MTOR: variants seen among roughly 807,000 people sequenced by gnomAD.
The protein encoded by MTOR is serine/threonine-protein kinase mTOR.
MTOR carries 70 observed loss-of-function variants against 319.8 expected under a neutral mutation model. That is an observed-to-expected ratio of 0.22 (90% CI 0.18 to 0.27). The LOEUF (loss-of-function observed/expected upper bound fraction) is 0.27. MTOR is among the 10% of genes least tolerant of loss of function. The pLI is 1.00. For missense variants in MTOR, 1,890 were observed against 3,274.4 expected (o/e 0.58, Z 10.32); for synonymous variants, 1,183 against 1,211.4 (o/e 0.98, Z 0.49).
At chr1:11,227,657 A>G (rs1646889297) in intron 19 of MTOR, among the ~76,000 whole-genome samples, 1 of 152,198 alleles carries the variant, frequency 6.6e-6, no homozygotes, top group Non-Finnish European at 1.5e-5. Context: ...AAGACACAAG[A>G]AACAGCAAGA....
rs1479868115 is a variant in MTOR at position 11,157,044 on chromosome 1, T to A, written c.4469+108A>T. On this transcript the variant is annotated intron_variant, in intron 30 of 57. Coordinates refer to ENST00000361445, the MANE Select transcript of MTOR (RefSeq NM_004958.4). ...CTGAGAAGTATCAAGTGGAACAAAA[T>A]GAGTCTGAAGTGAGAACTCCGTGTG... 14 of 1,365,622 alleles carry A rather than the reference T, an allele frequency of 1.0e-5. No homozygotes were observed. In the East Asian group the frequency reaches 3.1e-4, roughly 31 times the overall value. The allele number at this position is 1,365,622 out of a possible 1,614,324, so 84.6% of individuals were successfully genotyped here.
At chr1:11,203,745 T>G (rs558586545) in intron 26 of MTOR, among the ~76,000 whole-genome samples, 10 of 152,248 alleles carry the variant, frequency 6.6e-5, no homozygotes, top group Non-Finnish European at 1.3e-4. Flanking sequence ...CCATATAGTC[T>G]GTTAGAATAT....
rs773018103 is a variant in MTOR, at chr1:11,258,497, T to C, written c.259A>G (p.Ile87Val). 5.6e-6 allele frequency: 9 copies of C among 1,613,528 alleles called. No homozygotes were observed. The South Asian group carries it at 8.8e-5, about 16-fold the overall frequency. Residue 87 changes from isoleucine (I) to valine (V), a missense_variant, in exon 3 of 58, where the codon ATC (isoleucine) becomes GTC (valine). Physicochemically the swap from Ile to Val is conservative, Grantham distance 29. This residue lies in a region of MTOR where 81 missense variants were observed against 203.6 expected (regional missense o/e 0.40). Coordinates refer to ENST00000361445, the MANE Select transcript of MTOR (RefSeq NM_004958.4). ...ACTCTGTCCTTACCTATGGCCAAGA[T>C]GCCACCTTTCCTCTCATTGGCATCT... ...SSDANERKGG[I>V]LAIASLIGVE...
intron 54 of MTOR, among the ~76,000 whole-genome samples, chr1:11,110,154 G>A (rs973295671): frequency 1.8e-4 from 28 of 152,276 alleles, no homozygotes; most frequent in Admixed American, 4.6e-4. Flanking sequence ...CAAAAGCCTC[G>A]TGACAAAATG....
chr1:11,175,779 C>CAG (rs543626584), intron 28 of MTOR, among the ~76,000 whole-genome samples: 153 of 147,022 alleles, frequency 1.0e-3, no homozygotes, highest in African/African-American at 3.8e-3. Flanking sequence ...GGGTCTCACT[C>CAG]TGTCACCCAG....
At chr1:11,232,401 T>A (rs545577674) in intron 16 of MTOR, 35 bp downstream of exon 16, 2 of 1,526,804 alleles carry the variant, frequency 1.3e-6, no homozygotes, top group Non-Finnish European at 9.1e-7. Context: ...ACTCATGGGG[T>A]CTGTCTTGCT....
chr1:11,216,045 G>A lies in MTOR; in HGVS notation c.3117+103C>T. On this transcript the variant is annotated intron_variant, in intron 20 of 57. Transcript: ENST00000361445. ...CACTTCCTGTACTAAGACTGTAACA[G>A]CTCTACAAAGATCCGTGAAAAAAAG... The A allele has an allele frequency of 1.6e-5, 12 of 761,940 alleles. No homozygotes were observed. The South Asian group carries it at 2.1e-4, about 14-fold the overall frequency. 47.2% of individuals were successfully genotyped at this position (761,940 alleles called of 1,614,324 possible).
At chr1:11,137,353 A>G (rs1296578404) in intron 36 of MTOR, among the ~76,000 whole-genome samples, 1 of 152,068 alleles carries the variant, frequency 6.6e-6, no homozygotes, top group East Asian at 1.9e-4. Flanking sequence ...TCTTTGGTGG[A>G]CTTAATAAGG....
intron 49 of MTOR, among the ~76,000 whole-genome samples, chr1:11,117,542 T>C (rs186743607): frequency 3.9e-5 from 6 of 152,304 alleles, no homozygotes; most frequent in African/African-American, 1.4e-4. Flanking sequence ...ATTCTAACAA[T>C]GAACTATGCC....
rs1204427001 is a variant in MTOR, at chr1:11,212,069, A to C, written c.3561+243T>G. 2.6e-5 allele frequency among the ~76,000 whole-genome samples: 4 copies of C among 152,204 alleles called. No individual in the cohort carries two copies. The highest frequency in any genetic ancestry group is 5.9e-5 in the Non-Finnish European group (4 of 68,048). On this transcript the variant is annotated intron_variant, in intron 23 of 57. Coordinates refer to ENST00000361445, the MANE Select transcript of MTOR (RefSeq NM_004958.4). This position sits in a 1 kb window ranked among gnomAD's most constrained non-coding sequence, Gnocchi z 4.1. ...ACAAACTGTTTATTTGCTTTGCTTCATCAGGATGGAAGCTCTATGAGAGCA... is the reference window on the plus strand; with the variant it reads ...ACAAACTGTTTATTTGCTTTGCTTCCTCAGGATGGAAGCTCTATGAGAGCA...
At chr1:11,252,105 C>T (rs1649776194) in intron 6 of MTOR, among the ~76,000 whole-genome samples, 1 of 152,126 alleles carries the variant, frequency 6.6e-6, no homozygotes, top group Admixed American at 6.6e-5. Context: ...GCTCAAGTCC[C>T]TCCGATAAAG....
At chr1:11,146,586 G>A in intron 32 of MTOR, 90 bp downstream of exon 32, 1 of 957,228 alleles carries the variant, frequency 1.0e-6, no homozygotes, top group East Asian at 2.4e-5. Context: ...CAGACCTGAA[G>A]TACAACAGCT....
chr1:11,213,960 C>T (rs1646391762), intron 20 of MTOR, among the ~76,000 whole-genome samples: 1 of 152,224 alleles, frequency 6.6e-6, no homozygotes, highest in South Asian at 2.1e-4. Flanking sequence ...ATAGCGATAG[C>T]AGTTGTAAGA....
intron 28 of MTOR, among the ~76,000 whole-genome samples, chr1:11,182,417 A>G (rs930303956): frequency 2.0e-5 from 3 of 152,200 alleles, no homozygotes; most frequent in African/African-American, 7.2e-5. Context: ...CTACTACTTG[A>G]TATTTGCTAG....
chr1:11,176,442 C>T lies in MTOR; in HGVS notation c.4254-8925G>A, dbSNP rs185259121. 8.7e-4 allele frequency among the ~76,000 whole-genome samples: 132 copies of T among 152,360 alleles called. 1 individual carries two copies. The highest frequency in any genetic ancestry group is 3.4e-3 in the Middle Eastern group (1 of 294). ...AGCTGGGGCAACGCTCAGGCTTCCC[C>T]AGCGCTCCCATCAGGAATGTATGAG... On this transcript the variant is annotated intron_variant, in intron 28 of 57. Coordinates refer to ENST00000361445, the MANE Select transcript of MTOR (RefSeq NM_004958.4).
intron 10 of MTOR, 57 bp from the exon 11 acceptor site, chr1:11,240,604 T>G: frequency 1.3e-5 from 21 of 1,566,974 alleles, no homozygotes; most frequent in Non-Finnish European, 1.8e-5. Flanking sequence ...CAGTCTGTTC[T>G]TGGGAAGAAA....
At chr1:11,110,276 C>CA (rs1641790151) in intron 54 of MTOR, among the ~76,000 whole-genome samples, 1 of 152,190 alleles carries the variant, frequency 6.6e-6, no homozygotes, top group Non-Finnish European at 1.5e-5. Context: ...AAAAAGTCCT[C>CA]AGGTGTTAGG....
In MTOR at chr1:11,130,537, C is replaced by A. The variant is rs1643087561; in HGVS notation, c.5605G>T (p.Val1869Phe). The stretch of plus-strand genomic sequence containing the variant: ...GAAGAAGGGAAGGGTACCTCAGTGA[C>A]CTTCTTCTGCAGCGGCGATGGGGTG... ...SPTPSPLQKK[V>F]TEDLSKTLLM... is the part of the protein sequence containing the mutation. The change falls in exon 39 of 58, where the codon GTC (valine) becomes TTC (phenylalanine). Residue 1869 changes from valine to phenylalanine, a missense_variant. This residue lies in a region of MTOR where 91 missense variants were observed against 90.4 expected (regional missense o/e 1.01). Transcript: ENST00000361445. The A allele has an allele frequency of 5.6e-6, 9 of 1,612,862 alleles. No homozygotes were observed. The highest frequency in any genetic ancestry group is 7.6e-6 in the Non-Finnish European group (9 of 1,179,582).
rs1557428012 is a variant in MTOR at position 11,212,324 on chromosome 1, C to T, written c.3549G>A (p.Gln1183=). The T allele has an allele frequency of 6.2e-7, 1 of 1,613,560 alleles. No homozygotes were observed. The highest frequency in any genetic ancestry group is 8.5e-7 in the Non-Finnish European group (1 of 1,179,738). Residue 1183 remains glutamine, a synonymous_variant, in exon 23 of 58, where the codon CAG becomes CAA. Coordinates refer to ENST00000361445, the MANE Select transcript of MTOR (RefSeq NM_004958.4). The surrounding 1 kb of genome is among the most constrained non-coding windows in gnomAD (Gnocchi z 4.1). Reference sequence around the variant, plus strand: ...ACTCCCATCTTACCTTCTTCCCCAGCTGAAAAACAAGTGAAGACAGCGTGT... The same window carrying T: ...ACTCCCATCTTACCTTCTTCCCCAGTTGAAAAACAAGTGAAGACAGCGTGT... ...AMDTLSSLVF[Q]LGKKYQIFIP... is the part of the protein sequence containing the mutation.
Sources: gnomAD v4.1 joint callset for allele counts (sites outside exome capture counted in the v4.1 genomes callset) on GRCh38, gnomAD v4.1.1 for gene constraint, gnomAD v4.1.1 regional missense constraint, Gnocchi (gnomAD v3.1) non-coding constraint, MANE v1.5 for transcripts, NCBI Gene and HGNC (gene_info 2026-07-23, HGNC 2026-07-21) for gene names.